The following NASP variants were observed in gnomAD, a reference collection of about 807,000 sequenced individuals.
NASP encodes the protein NASP histone chaperone.
Under a neutral mutation model 89.5 loss-of-function variants are expected in NASP, and 24 were observed. That is an observed-to-expected ratio of 0.27 (90% confidence interval 0.19 to 0.38). The LOEUF (loss-of-function observed/expected upper bound fraction) is 0.38. Ranked by LOEUF, NASP falls within the 10% of genes least tolerant of loss-of-function variation. NASP has a pLI of 1.00. For missense variants in NASP, 848 were observed against 921.4 expected, an observed-to-expected ratio of 0.92 and a Z score of 1.03; for synonymous variants, 306 against 324.7, an observed-to-expected ratio of 0.94 and a Z score of 0.62.
chr1:45,613,820 G>C (rs1011819608), intron 7 of NASP, among the ~76,000 whole-genome samples: 2 of 152,044 alleles, frequency 1.3e-5, no homozygotes, highest in Non-Finnish European at 2.9e-5. Context: ...ACTGTCTCTT[G>C]ATTATGGATT....
chr1:45,613,422 T>C (rs967205110), intron 7 of NASP, among the ~76,000 whole-genome samples, 174 bp downstream of exon 7: 7 of 152,220 alleles, frequency 4.6e-5, no homozygotes, highest in Non-Finnish European at 1.5e-5. Context: ...TAGCTGGGAC[T>C]ACAGGCTTGT....
At chr1:45,615,778 A>G (rs1018611553) in intron 11 of NASP, 5 of 255,544 alleles carry the variant, frequency 2.0e-5, no homozygotes, top group Non-Finnish European at 3.7e-5. Flanking sequence ...TTGCATTTCA[A>G]ATGCTTTTGG....
In NASP at chr1:45,617,454, T is replaced by TATC. The variant is rs748399126; in HGVS notation, c.2158-8_2158-6dup. On this transcript the variant is annotated splice_polypyrimidine_tract_variant and intron_variant, in intron 13 of 14. Transcript: ENST00000350030. ...CACATTTGTGAAGCCTTCACAATTATATCTTTAGAGGAAACCAGAGGAAGA... is the reference window on the plus strand; with the variant it reads ...CACATTTGTGAAGCCTTCACAATTATATCATCTTTAGAGGAAACCAGAGGAAGA... The TATC allele has an allele frequency of 1.9e-6, 3 of 1,609,884 alleles. No individual in the cohort carries two copies. In the African/African-American group the frequency reaches 4.0e-5, roughly 22 times the overall value.
chr1:45,613,121 A>G (rs761621732), intron 6 of NASP, 48 bp from the exon 7 acceptor site: 3 of 1,574,304 alleles, frequency 1.9e-6, no homozygotes, highest in Non-Finnish European at 2.6e-6. Flanking sequence ...GACTAGTCAG[A>G]ATACGTTCTT....
At chr1:45,591,571 C>G (rs1360603996) in intron 2 of NASP, among the ~76,000 whole-genome samples, 1 of 152,042 alleles carries the variant, frequency 6.6e-6, no homozygotes, top group African/African-American at 2.4e-5. Flanking sequence ...CAAGGCTGGT[C>G]TCAAACTCCT....
intron 9 of NASP, 162 bp from the exon 10 acceptor site, chr1:45,614,851 A>G (rs949903634): frequency 1.5e-6 from 1 of 678,844 alleles, no homozygotes. Context: ...TAGGTTTTTA[A>G]AAGTCATTTT....
At chr1:45,586,282 GTGGTGTGTGTGTGTGTGT>G (rs1644542412) in intron 1 of NASP, among the ~76,000 whole-genome samples, 4 of 39,906 alleles carry the variant, frequency 1.0e-4, no homozygotes, top group African/African-American at 2.0e-4. Flanking sequence ...GTGTGTGTGT[GTGGTGTGTGTGTGTGTGT>G]GTGTGTGTGG....
chr1:45,599,659 C>T (rs1189136553), intron 2 of NASP, among the ~76,000 whole-genome samples: 1 of 150,328 alleles, frequency 6.7e-6, no homozygotes, highest in East Asian at 2.0e-4. Context: ...GAACTCCTGA[C>T]CTTGTGATCT....
At chr1:45,615,492 G>T in intron 11 of NASP, 21 bp downstream of exon 11, 2 of 1,595,046 alleles carry the variant, frequency 1.3e-6, no homozygotes, top group South Asian at 2.3e-5. Context: ...TTAACATTTT[G>T]ATAATAGCAT....
chr1:45,592,278 C>G (rs556414673), intron 2 of NASP, among the ~76,000 whole-genome samples: 8 of 152,164 alleles, frequency 5.3e-5, no homozygotes, highest in Non-Finnish European at 8.8e-5. Context: ...AGCCACTGTG[C>G]CCACCCGAAT....
intron 1 of NASP, among the ~76,000 whole-genome samples, chr1:45,585,648 C>T (rs1032523859): frequency 6.6e-6 from 1 of 152,146 alleles, no homozygotes; most frequent in Non-Finnish European, 1.5e-5. Flanking sequence ...GTCAGTATTT[C>T]ACTGACAGCT....
At chr1:45,584,649 A>T (rs1034398463) in intron 1 of NASP, among the ~76,000 whole-genome samples, 2 of 135,524 alleles carry the variant, frequency 1.5e-5, no homozygotes, top group Non-Finnish European at 3.1e-5. Context: ...AAAACCTTGC[A>T]CGAGGAAGGA....
chr1:45,614,815 G>A (rs1644074839), intron 9 of NASP, 198 bp from the exon 10 acceptor site: 2 of 541,860 alleles, frequency 3.7e-6, no homozygotes, highest in Admixed American at 6.6e-5. Flanking sequence ...GGGATTACAG[G>A]TGTGAGCCAC....
intron 6 of NASP, chr1:45,612,947 C>T (rs1330001362): frequency 4.6e-6 from 2 of 435,976 alleles, no homozygotes; most frequent in Admixed American, 4.7e-5. Context: ...CTTTTAATTG[C>T]TGAAGGTCTG....
At position 45,605,163 on chromosome 1, in the gene NASP, A is replaced by T. The variant is rs567979265; in HGVS notation, c.299+147A>T. 2 of 664,214 alleles carry T rather than the reference A, an allele frequency of 3.0e-6. 1 individual carries two copies. Among genetic ancestry groups the T allele is most frequent in the South Asian group, 3.7e-5 (2 of 54,738 alleles). 41.1% of individuals were successfully genotyped at this position (664,214 alleles called of 1,614,324 possible). Reference sequence around the variant, plus strand: ...TGATGGAAGTTGTGAATGGCACTTGATACAATTAGTAGTTATATTTAAGTT... The same window carrying T: ...TGATGGAAGTTGTGAATGGCACTTGTTACAATTAGTAGTTATATTTAAGTT... On this transcript the variant is annotated intron_variant, in intron 4 of 14. Coordinates refer to ENST00000350030, the MANE Select transcript of NASP (RefSeq NM_002482.4).
intron 1 of NASP, among the ~76,000 whole-genome samples, chr1:45,586,239 C>CGTGTGTGTGTGTGTGTGTGTGTGT (rs537983711): frequency 2.1e-4 from 23 of 110,278 alleles, no homozygotes; most frequent in African/African-American, 6.2e-4. Context: ...CCTACCGTGC[C>CGTGTGTGTGTGTGTGTGTGTGTGT]GTGTGTGTGT....
intron 2 of NASP, among the ~76,000 whole-genome samples, chr1:45,600,876 AT>A (rs1174909167): frequency 2.0e-5 from 3 of 152,174 alleles, no homozygotes; most frequent in Admixed American, 1.3e-4. Flanking sequence ...AATTTTAGCT[AT>A]TATAGTGAAT....
chr1:45,599,150 A>G (rs980929054), intron 2 of NASP, among the ~76,000 whole-genome samples: 3 of 151,598 alleles, frequency 2.0e-5, no homozygotes, highest in South Asian at 2.1e-4. Context: ...TTGTTTGGAC[A>G]TAGGGTCTTG....
At chr1:45,613,484 G>A (rs748380761) in intron 7 of NASP, among the ~76,000 whole-genome samples, 3 of 152,066 alleles carry the variant, frequency 2.0e-5, no homozygotes, top group Non-Finnish European at 2.9e-5. Context: ...GTTTAGGCAC[G>A]ATTATTATTT....
Sources: allele counts gnomAD v4.1 joint callset (sites outside exome capture counted in the v4.1 genomes callset), GRCh38; gene constraint gnomAD v4.1.1; transcripts MANE v1.5; gene names NCBI Gene and HGNC (gene_info 2026-07-23, HGNC 2026-07-21).